Variants in RABGAP1L observed in about 807,000 individuals in gnomAD.
RABGAP1L encodes rab GTPase-activating protein 1-like.
A neutral mutation model predicts 137.7 loss-of-function variants in RABGAP1L; 63 were observed. That is an observed-to-expected ratio of 0.46 (90% confidence interval 0.37 to 0.56). The LOEUF is 0.56. Ranked by LOEUF, RABGAP1L falls within the 20% of genes least tolerant of loss-of-function variation. The probability of loss-of-function intolerance (pLI) is 0.00; values close to 1 mark genes in which losing one functional copy is unlikely to be tolerated. For synonymous variants in RABGAP1L, 431 were observed against 433.7 expected, an observed-to-expected ratio of 0.99 and a Z score of 0.08; for missense variants, 1,095 against 1,244.0, an observed-to-expected ratio of 0.88 and a Z score of 1.80.
At chr1:174,652,615 A>G (rs1023262615) in intron 14 of RABGAP1L, among the ~76,000 whole-genome samples, 7 of 152,170 alleles carry the variant, frequency 4.6e-5, no homozygotes, top group African/African-American at 1.2e-4. Context: ...TTGCCTGCGT[A>G]TCACCAGCAT....
chr1:174,482,208 A>G (rs1360697680), intron 13 of RABGAP1L, among the ~76,000 whole-genome samples: 1 of 152,244 alleles, frequency 6.6e-6, no homozygotes, highest in African/African-American at 2.4e-5. Flanking sequence ...ATTTCCCCCC[A>G]GAGCCTCCAA....
chr1:174,676,244 C>G (rs1677617947), intron 14 of RABGAP1L, among the ~76,000 whole-genome samples: 1 of 152,014 alleles, frequency 6.6e-6, no homozygotes, highest in African/African-American at 2.4e-5. Flanking sequence ...TCTAAGAAGG[C>G]TTTTGAATAG....
At chr1:174,324,943 T>C (rs1334811302) in intron 11 of RABGAP1L, among the ~76,000 whole-genome samples, 6 of 152,122 alleles carry the variant, frequency 3.9e-5, no homozygotes, top group African/African-American at 1.4e-4. Flanking sequence ...TTGTAGTGCA[T>C]TGAGGATTGA....
chr1:174,357,608 T>G lies in RABGAP1L; in HGVS notation c.1466-13371T>G, dbSNP rs532467239. ...TGTTTTCATTAAAGTTTTATATGTA[T>G]TATAGTAGAAGTCTACATAGGAGCA... On this transcript the variant is annotated intron_variant, in intron 11 of 25. Coordinates refer to ENST00000681986, the MANE Select transcript of RABGAP1L (RefSeq NM_001366446.1). Among the ~76,000 whole-genome samples, 63 of 152,250 alleles carry G rather than the reference T, an allele frequency of 4.1e-4. 1 individual carries two copies. Among genetic ancestry groups the G allele is most frequent in the African/African-American group, 1.4e-3 (60 of 41,568 alleles).
chr1:174,538,808 G>C (rs780443980), intron 13 of RABGAP1L, among the ~76,000 whole-genome samples: 2 of 152,050 alleles, frequency 1.3e-5, no homozygotes, highest in Non-Finnish European at 2.9e-5. Context: ...TATAAGTCCC[G>C]TAATACCACA....
At chr1:174,863,796 A>G (rs193014997) in intron 19 of RABGAP1L, among the ~76,000 whole-genome samples, 3 of 152,140 alleles carry the variant, frequency 2.0e-5, no homozygotes, top group Admixed American at 6.5e-5. Context: ...CCTGGCCAAC[A>G]TGGTGAAACC....
At position 174,364,505 on chromosome 1, in the gene RABGAP1L, C is replaced by T. The variant is rs1052359209; in HGVS notation, c.1466-6474C>T. On this transcript the variant is annotated intron_variant, in intron 11 of 25. Transcript: ENST00000681986. The stretch of plus-strand genomic sequence containing the variant: ...TCCTGACCTCGTGATCCACCCGCCT[C>T]GGCCTCCCAAAGTGCTGGGATTACA... 7.2e-4 allele frequency among the ~76,000 whole-genome samples: 110 copies of T among 151,950 alleles called. 1 individual carries two copies. Among genetic ancestry groups the T allele is most frequent in the Non-Finnish European group, 1.3e-3 (86 of 67,972 alleles).
chr1:174,614,998 A>G (rs768129623), intron 13 of RABGAP1L, among the ~76,000 whole-genome samples: 4 of 152,106 alleles, frequency 2.6e-5, no homozygotes, highest in Non-Finnish European at 5.9e-5. Flanking sequence ...TTTCAAAGTT[A>G]TTAACTTCTT....
At position 174,699,505 on chromosome 1, in the gene RABGAP1L, A is replaced by G. The variant is rs1305075930; in HGVS notation, c.1900-20A>G. On this transcript the variant is annotated intron_variant, in intron 15 of 25. Transcript: ENST00000681986. ...AAAATGCCACTTATTTATATTGTAT[A>G]TGTATATATTTTTCTGTAGATGCCA... The G allele has an allele frequency of 9.3e-6, 15 of 1,605,286 alleles. No individual in the cohort carries two copies. Among genetic ancestry groups the G allele is most frequent in the African/African-American group, 2.7e-5 (2 of 74,452 alleles).
At chr1:174,871,592 T>G (rs1310419270) in intron 19 of RABGAP1L, among the ~76,000 whole-genome samples, 1 of 152,072 alleles carries the variant, frequency 6.6e-6, no homozygotes, top group Non-Finnish European at 1.5e-5. Flanking sequence ...GGAAAGGGAG[T>G]TATCCAGGCT....
At chr1:174,549,079 G>C (rs1289851907) in intron 13 of RABGAP1L, among the ~76,000 whole-genome samples, 1 of 152,140 alleles carries the variant, frequency 6.6e-6, no homozygotes, top group African/African-American at 2.4e-5. Flanking sequence ...GTGCAAAGTG[G>C]ATACTGAAAA....
chr1:174,616,429 C>A (rs1217152952), intron 13 of RABGAP1L, among the ~76,000 whole-genome samples: 1 of 152,206 alleles, frequency 6.6e-6, no homozygotes, highest in African/African-American at 2.4e-5. Flanking sequence ...CTGCCTGCTT[C>A]TCTAATTCTG....
rs979917071 is a variant in RABGAP1L, at chr1:174,880,962, A to G, written c.2340+69002A>G. 3.9e-5 allele frequency among the ~76,000 whole-genome samples: 6 copies of G among 152,304 alleles called. No homozygotes were observed. The South Asian group carries it at 1.0e-3, about 26-fold the overall frequency. On this transcript the variant is annotated intron_variant, in intron 19 of 25. Transcript: ENST00000681986. ...TTCTAGGCCAAAGGAGAAAAGAAACAAATACAGAGATGTGAAGCAGCAGAG... is the reference window on the plus strand; with the variant it reads ...TTCTAGGCCAAAGGAGAAAAGAAACGAATACAGAGATGTGAAGCAGCAGAG...
chr1:174,632,501 T>A (rs1423603031), intron 13 of RABGAP1L, among the ~76,000 whole-genome samples: 2 of 150,600 alleles, frequency 1.3e-5, no homozygotes, highest in Non-Finnish European at 3.0e-5. Context: ...CCAACTTGGT[T>A]CCATTCTCTG....
chr1:174,867,164 C>T (rs1243752539), intron 19 of RABGAP1L, among the ~76,000 whole-genome samples: 8 of 151,896 alleles, frequency 5.3e-5, no homozygotes, highest in African/African-American at 1.7e-4. Flanking sequence ...GGCCGGATCA[C>T]GAGGTCAGGA....
At chr1:174,497,653 C>T (rs1660864827) in intron 13 of RABGAP1L, among the ~76,000 whole-genome samples, 1 of 152,170 alleles carries the variant, frequency 6.6e-6, no homozygotes, top group Non-Finnish European at 1.5e-5. Flanking sequence ...TCCTCTTTCC[C>T]TCCCACTCTT....
chr1:174,770,646 C>A (rs77743113), intron 18 of RABGAP1L, among the ~76,000 whole-genome samples: 3,372 of 152,270 alleles, frequency 0.022, 55 homozygotes, highest in Middle Eastern at 0.085. Flanking sequence ...TTTTTGTGAG[C>A]AAAATAAGTA....
chr1:174,953,769 T>G (rs1668085395), intron 19 of RABGAP1L, among the ~76,000 whole-genome samples: 1 of 152,120 alleles, frequency 6.6e-6, no homozygotes, highest in Non-Finnish European at 1.5e-5. Flanking sequence ...GGGAGATCGG[T>G]CAGAGCGGTG....
At chr1:174,314,972 T>C (rs1423540905) in intron 11 of RABGAP1L, among the ~76,000 whole-genome samples, 1 of 152,198 alleles carries the variant, frequency 6.6e-6, no homozygotes, top group Admixed American at 6.5e-5. Flanking sequence ...CTGCAGCCAT[T>C]GGATGAAATA....
Sources: gnomAD v4.1 joint callset for allele counts (sites outside exome capture counted in the v4.1 genomes callset) on GRCh38, gnomAD v4.1.1 for gene constraint, MANE v1.5 for transcripts, NCBI Gene and HGNC (gene_info 2026-07-23, HGNC 2026-07-21) for gene names.